NEK6: variants seen among roughly 807,000 people sequenced by gnomAD.
NEK6 encodes serine/threonine-protein kinase Nek6.
Under a neutral mutation model 43.5 loss-of-function variants are expected in NEK6, and 27 were observed. The ratio of observed to expected loss-of-function variants is 0.62; its 90% CI spans 0.46 to 0.86. NEK6 has a LOEUF of 0.86. Among genes scored for constraint, NEK6 ranks in the 40% least tolerant of loss-of-function variants. NEK6 has a pLI of 0.00. For missense variants in NEK6, 318 were observed against 414.4 expected (o/e 0.77, Z 2.02); for synonymous variants, 167 against 164.1 (o/e 1.02, Z -0.14).
At chr9:124,297,531 A>G (rs1029762136) in intron 1 of NEK6, among the ~76,000 whole-genome samples, 1 of 152,208 alleles carries the variant, frequency 6.6e-6, no homozygotes, top group Non-Finnish European at 1.5e-5. Context: ...GACACACAGC[A>G]CACGGCAGCC....
intron 2 of NEK6, among the ~76,000 whole-genome samples, chr9:124,311,235 C>T (rs934498983): frequency 6.6e-6 from 1 of 152,222 alleles, no homozygotes; most frequent in Non-Finnish European, 1.5e-5. Flanking sequence ...CGGTACGGTG[C>T]CCGGCTCAGT....
intron 7 of NEK6, among the ~76,000 whole-genome samples, chr9:124,337,870 A>G (rs1829371942): frequency 6.6e-6 from 1 of 152,264 alleles, no homozygotes; most frequent in Admixed American, 6.5e-5. Flanking sequence ...CAAAGCATGG[A>G]CATTCCAGGT....
chr9:124,325,309 T>C (rs1038000618), intron 5 of NEK6, among the ~76,000 whole-genome samples: 1 of 152,176 alleles, frequency 6.6e-6, no homozygotes, highest in African/African-American at 2.4e-5. Context: ...CCCTCCCTCT[T>C]AGGCCCGGCA....
chr9:124,307,130 T>TAA (rs3050234), intron 2 of NEK6, among the ~76,000 whole-genome samples: 15,497 of 149,732 alleles, frequency 0.1, 1,118 homozygotes, highest in East Asian at 0.36. Flanking sequence ...TGCTCCTGTT[T>TAA]AAAAAAAAAA....
chr9:124,280,521 C>T (rs1347241783), intron 1 of NEK6, among the ~76,000 whole-genome samples: 3 of 152,194 alleles, frequency 2.0e-5, no homozygotes, highest in East Asian at 1.9e-4. Context: ...CACGCTCATG[C>T]GAATGTTTCC....
rs184691848 is a variant in NEK6, at chr9:124,269,807, G to T, written c.-30+11722G>T. Among the ~76,000 whole-genome samples the T allele has an allele frequency of 4.3e-3, 659 of 152,188 alleles. 4 individuals are homozygous for T. Among genetic ancestry groups the T allele is most frequent in the African/African-American group, 0.015 (631 of 41,498 alleles). Reference sequence around the variant, plus strand: ...GCCTCTGCCCTTCTCTTTGTTGTTGGTTTTGCAGAGTCATTAAGGGAGTTT... The same window carrying T: ...GCCTCTGCCCTTCTCTTTGTTGTTGTTTTTGCAGAGTCATTAAGGGAGTTT... On this transcript the variant is annotated intron_variant, in intron 1 of 9. Transcript: ENST00000320246.
At chr9:124,301,846 C>A in intron 1 of NEK6, 90 bp from the exon 2 acceptor site, 2 of 1,051,532 alleles carry the variant, frequency 1.9e-6, no homozygotes, top group Non-Finnish European at 2.9e-6. Context: ...CACCTCAGCT[C>A]ACGCATCTGT....
intron 1 of NEK6, among the ~76,000 whole-genome samples, chr9:124,300,765 C>T (rs1339860683): frequency 6.6e-6 from 1 of 151,776 alleles, no homozygotes; most frequent in Non-Finnish European, 1.5e-5. Flanking sequence ...TTCATTCTCG[C>T]CCCCTCAGCT....
chr9:124,340,570 C>A (rs891903968), intron 8 of NEK6, among the ~76,000 whole-genome samples: 2 of 152,242 alleles, frequency 1.3e-5, no homozygotes, highest in African/African-American at 4.8e-5. Context: ...GGAAAGGGCT[C>A]TGGAAACCCC....
chr9:124,276,227 G>A (rs926660875), intron 1 of NEK6, among the ~76,000 whole-genome samples: 1 of 152,176 alleles, frequency 6.6e-6, no homozygotes, highest in Non-Finnish European at 1.5e-5. Context: ...ATTCTGGGCT[G>A]CAAGTCAGAA....
intron 2 of NEK6, among the ~76,000 whole-genome samples, chr9:124,308,340 G>A (rs1479367240): frequency 6.6e-6 from 1 of 152,132 alleles, no homozygotes; most frequent in Admixed American, 6.5e-5. Flanking sequence ...CACAAAGCAG[G>A]GACAGTGAGC....
chr9:124,313,162 C>T (rs114967093), intron 3 of NEK6, among the ~76,000 whole-genome samples: 3 of 152,146 alleles, frequency 2.0e-5, no homozygotes, highest in Non-Finnish European at 2.9e-5. Context: ...ACAGCTTTGC[C>T]GGAGGAAATG....
intron 9 of NEK6, among the ~76,000 whole-genome samples, 173 bp from the exon 10 acceptor site, chr9:124,350,664 G>C (rs1224695236): frequency 6.6e-6 from 1 of 152,128 alleles, no homozygotes; most frequent in Non-Finnish European, 1.5e-5. Flanking sequence ...GGAGCCATGC[G>C]GCTGCGCACC....
intron 1 of NEK6, among the ~76,000 whole-genome samples, chr9:124,276,899 A>T (rs1831672045): frequency 6.6e-6 from 1 of 152,192 alleles, no homozygotes; most frequent in South Asian, 2.1e-4. Context: ...GACAGACATC[A>T]CCTGGGCTTG....
intron 1 of NEK6, among the ~76,000 whole-genome samples, chr9:124,296,692 A>G (rs1832706302): frequency 6.6e-6 from 1 of 152,172 alleles, no homozygotes; most frequent in Non-Finnish European, 1.5e-5. Context: ...TCATGCCCCC[A>G]AACCTGCTCC....
chr9:124,270,675 G>T lies in NEK6; in HGVS notation c.-30+12590G>T, dbSNP rs370776545. Among the ~76,000 whole-genome samples the T allele has an allele frequency of 2.0e-5, 3 of 152,274 alleles. No individual in the cohort carries two copies. In the East Asian group the frequency reaches 5.8e-4, roughly 29 times the overall value. ...CACAGGTGTGGGCACACCTGCCCCC[G>T]ACCCTCCTGCCTGCATCCGGGCCCC... On this transcript the variant is annotated intron_variant, in intron 1 of 9. Coordinates refer to ENST00000320246, the MANE Select transcript of NEK6 (RefSeq NM_014397.6).
At position 124,327,256 on chromosome 9, in the gene NEK6, C is replaced by T; in HGVS notation, c.515-82C>T. 13 of 1,148,888 alleles carry T rather than the reference C, an allele frequency of 1.1e-5. No individual in the cohort carries two copies. The South Asian group carries it at 1.4e-4, about 13-fold the overall frequency. The allele number at this position is 1,148,888 out of a possible 1,614,324, so 71.2% of individuals were successfully genotyped here. A position where few individuals can be genotyped will look rare whatever the true frequency, so the allele number is the denominator to read the frequency against. On this transcript the variant is annotated intron_variant, in intron 6 of 9. Coordinates refer to ENST00000320246, the MANE Select transcript of NEK6 (RefSeq NM_014397.6). ...GGAGCAGGACCTGGGCTAGGCCTCACCTTCCTCCCCCTTCCTCTCGTCCTG... is the reference window on the plus strand; with the variant it reads ...GGAGCAGGACCTGGGCTAGGCCTCATCTTCCTCCCCCTTCCTCTCGTCCTG...
In NEK6 at chr9:124,308,781, G is replaced by A. The variant is rs368649810; in HGVS notation, c.91-3728G>A. Among the ~76,000 whole-genome samples, 38 of 152,240 alleles carry A rather than the reference G, an allele frequency of 2.5e-4. 1 individual carries two copies. The South Asian group carries it at 2.7e-3, about 11-fold the overall frequency. On this transcript the variant is annotated intron_variant, in intron 2 of 9. Coordinates refer to ENST00000320246, the MANE Select transcript of NEK6 (RefSeq NM_014397.6). ...CTGGGGCCAGCCCCACGCCCGTCTTGCAGTTTAGAGCCACACCAGACACTA... is the reference window on the plus strand; with the variant it reads ...CTGGGGCCAGCCCCACGCCCGTCTTACAGTTTAGAGCCACACCAGACACTA...
chr9:124,306,955 T>C (rs1302850699), intron 2 of NEK6, among the ~76,000 whole-genome samples: 1 of 152,196 alleles, frequency 6.6e-6, no homozygotes, highest in African/African-American at 2.4e-5. Context: ...ACGGTTGCCT[T>C]AAAATTAATG....
Sources: allele counts gnomAD v4.1 joint callset (sites outside exome capture counted in the v4.1 genomes callset), GRCh38; gene constraint gnomAD v4.1.1; transcripts MANE v1.5; gene names NCBI Gene and HGNC (gene_info 2026-07-23, HGNC 2026-07-21).